The following MME variants were observed in gnomAD, a reference collection of about 807,000 sequenced individuals.
MME encodes membrane metalloendopeptidase, also known as neprilysin.
In MME, 98 loss-of-function variants were observed where a neutral mutation model predicts 113.2. The observed-to-expected ratio is 0.87, with a 90% confidence interval of 0.74 to 1.02. MME has a LOEUF of 1.02. MME is among the 50% of genes least tolerant of loss of function. MME has a pLI of 0.00. For missense variants in MME, 836 were observed against 896.0 expected, an observed-to-expected ratio of 0.93 and a Z score of 0.86; for synonymous variants, 292 against 300.6, an observed-to-expected ratio of 0.97 and a Z score of 0.30.
intron 1 of MME, chr3:155,082,026 G>A (rs1223957047): frequency 6.6e-6 from 1 of 152,308 alleles, no homozygotes; most frequent in African/African-American, 2.4e-5. Context: ...AAACTTGGGT[G>A]CTGACCCATT....
At chr3:155,178,215 G>A (rs147452942) in intron 22 of MME, among the ~76,000 whole-genome samples, 258 of 152,044 alleles carry the variant, frequency 1.7e-3, no homozygotes, top group African/African-American at 4.9e-3. Context: ...ATTATTTTTC[G>A]TCTTTAAGAC....
At chr3:155,099,499 G>T (rs888114195) in intron 3 of MME, among the ~76,000 whole-genome samples, 7 of 152,180 alleles carry the variant, frequency 4.6e-5, no homozygotes, top group African/African-American at 1.7e-4. Context: ...CTAGATGATT[G>T]CGAAGTTAAA....
chr3:155,077,266 T>A (rs1005911709), upstream of MME, among the ~76,000 whole-genome samples: 1 of 152,214 alleles, frequency 6.6e-6, no homozygotes, highest in Admixed American at 6.5e-5. Context: ...AGCATTTGTG[T>A]CACACACAGT....
chr3:155,084,246 C>T lies in MME; in HGVS notation c.79C>T (p.Leu27=). The stretch of plus-strand genomic sequence containing the variant: ...AAAGAAGAAACAGCGATGGACTCCA[C>T]TGGAGATCAGCCTCTCGGTCCTTGT... ...KPKKKQRWTP[L]EISLSVLVLL... Residue 27 remains leucine (L), a synonymous_variant, in exon 2 of 23, where the codon CTG becomes TTG. Transcript: ENST00000360490. The T allele has an allele frequency of 6.2e-7, 1 of 1,614,136 alleles. No homozygotes were observed. Among genetic ancestry groups the T allele is most frequent in the Non-Finnish European group, 8.5e-7 (1 of 1,179,984 alleles).
At chr3:155,139,378 T>C (rs1227542370) in intron 9 of MME, among the ~76,000 whole-genome samples, 1 of 152,128 alleles carries the variant, frequency 6.6e-6, no homozygotes, top group Non-Finnish European at 1.5e-5. Context: ...TCTAACAAAA[T>C]CCAGCATAGT....
chr3:155,042,936 A>ATG (rs1553749810), intron 1 of MME, among the ~76,000 whole-genome samples: 6,541 of 37,800 alleles, frequency 0.17, 137 homozygotes, highest in Non-Finnish European at 0.21. Context: ...ATATATATAT[A>ATG]TATGTATATA....
At chr3:155,057,501 C>T (rs1713974430) in intron 1 of MME, among the ~76,000 whole-genome samples, 1 of 151,854 alleles carries the variant, frequency 6.6e-6, no homozygotes, top group Non-Finnish European at 1.5e-5. Context: ...GATCTCTAAA[C>T]AGTTTTAAAG....
chr3:155,133,746 A>G (rs553334329), intron 8 of MME, among the ~76,000 whole-genome samples: 42 of 146,514 alleles, frequency 2.9e-4, no homozygotes, highest in African/African-American at 7.2e-4. Flanking sequence ...TATATGGTGT[A>G]TATATATATG....
chr3:155,143,381 C>A, intron 12 of MME, 62 bp from the exon 13 acceptor site: 1 of 1,584,800 alleles, frequency 6.3e-7, no homozygotes, highest in Non-Finnish European at 8.6e-7. Context: ...GAAATGTGTG[C>A]TCTTAACATG....
chr3:155,082,251 A>G (rs1046692203), intron 1 of MME, among the ~76,000 whole-genome samples: 5 of 152,152 alleles, frequency 3.3e-5, no homozygotes, highest in African/African-American at 4.8e-5. Context: ...CTAAGGAAGA[A>G]CTAAGAAAAA....
chr3:155,168,654 T>C lies in MME; in HGVS notation c.1914+29T>C, dbSNP rs148018808. The C allele has an allele frequency of 1.3e-4, 207 of 1,613,668 alleles. 1 individual carries two copies. The African/African-American group carries it at 2.4e-3, about 19-fold the overall frequency. ...TGTCATTAGCATTCTCTTGAAAAGTTTTAGACATGTTCAATCTTAAGTGTA... is the reference window on the plus strand; with the variant it reads ...TGTCATTAGCATTCTCTTGAAAAGTCTTAGACATGTTCAATCTTAAGTGTA... On this transcript the variant is annotated intron_variant, in intron 19 of 22. Coordinates refer to ENST00000360490, the MANE Select transcript of MME (RefSeq NM_007289.4).
chr3:155,025,036 G>A (rs954822510), intron 1 of MME, among the ~76,000 whole-genome samples: 12 of 152,216 alleles, frequency 7.9e-5, no homozygotes, highest in Middle Eastern at 3.2e-3. Flanking sequence ...CCAAATATGT[G>A]AAGTCTGTCT....
intron 3 of MME, among the ~76,000 whole-genome samples, chr3:155,090,884 A>C (rs1336357837): frequency 6.6e-6 from 1 of 152,186 alleles, no homozygotes. Flanking sequence ...GCCCTAGGTG[A>C]TGCATCTTGG....
chr3:155,032,768 G>A (rs1713011941), intron 1 of MME, among the ~76,000 whole-genome samples: 1 of 152,122 alleles, frequency 6.6e-6, no homozygotes, highest in Non-Finnish European at 1.5e-5. Flanking sequence ...TTTAAAGAGA[G>A]TTTATTCAAA....
intron 1 of MME, among the ~76,000 whole-genome samples, chr3:155,071,043 T>C (rs1714533921): frequency 6.6e-6 from 1 of 152,200 alleles, no homozygotes; most frequent in African/African-American, 2.4e-5. Flanking sequence ...ACATGTTCCT[T>C]GGTATGTGGT....
At chr3:155,149,229 C>T (rs2108327156) in intron 16 of MME, among the ~76,000 whole-genome samples, 1 of 152,140 alleles carries the variant, frequency 6.6e-6, no homozygotes, top group East Asian at 1.9e-4. Context: ...TTTATTTTTT[C>T]TATTAAATAG....
chr3:155,062,482 A>G (rs1714182586), intron 1 of MME, among the ~76,000 whole-genome samples: 1 of 152,194 alleles, frequency 6.6e-6, no homozygotes, highest in Non-Finnish European at 1.5e-5. Flanking sequence ...ACAAGAGGCA[A>G]ATGTAATGCT....
chr3:155,102,231 G>A (rs934334433), intron 3 of MME, among the ~76,000 whole-genome samples: 1 of 152,164 alleles, frequency 6.6e-6, no homozygotes, highest in Non-Finnish European at 1.5e-5. Context: ...AGCAGATGGT[G>A]ATGATTTACT....
At chr3:155,104,167 T>G (rs183114904) in intron 3 of MME, among the ~76,000 whole-genome samples, 1 of 152,302 alleles carries the variant, frequency 6.6e-6, no homozygotes, top group East Asian at 1.9e-4. Context: ...TATCACACCA[T>G]GGTATGTTCA....
Sources: allele counts gnomAD v4.1 joint callset (sites outside exome capture counted in the v4.1 genomes callset), GRCh38; gene constraint gnomAD v4.1.1; transcripts MANE v1.5; gene names NCBI Gene and HGNC (gene_info 2026-07-23, HGNC 2026-07-21).